The following ZNF761 variants were observed in gnomAD, a reference collection of about 807,000 sequenced individuals.
ZNF761 encodes the protein zinc finger protein 761.
In ZNF761, 43 loss-of-function variants were observed where a neutral mutation model predicts 59.9. The observed-to-expected ratio is 0.72, with a 90% CI of 0.56 to 0.92. ZNF761 has a LOEUF of 0.92. Ranked by LOEUF, ZNF761 falls within the 40% of genes least tolerant of loss-of-function variation. ZNF761 has a pLI of 0.00. For synonymous variants in ZNF761, 294 were observed against 304.8 expected, an observed-to-expected ratio of 0.96 and a Z score of 0.37; for missense variants, 850 against 906.1, an observed-to-expected ratio of 0.94 and a Z score of 0.79.
chr19:53,433,375 C>G (rs2085997844), intron 1 of ZNF761, among the ~76,000 whole-genome samples: 1 of 151,296 alleles, frequency 6.6e-6, no homozygotes, highest in African/African-American at 2.4e-5. Flanking sequence ...TAAATACACA[C>G]ATTTGTCCTT....
Position 53,453,848 on chromosome 19 carries a change from C to T in ZNF761, c.143-802C>T, listed in dbSNP as rs1486379002. Among the ~76,000 whole-genome samples the T allele has an allele frequency of 1.3e-5, 2 of 152,020 alleles. 1 individual carries two copies. The highest frequency in any genetic ancestry group is 6.8e-3 in the Middle Eastern group (2 of 292). The stretch of plus-strand genomic sequence containing the variant: ...CCGAGATCAGGCCATTGAACTCCAG[C>T]CAGTTGCAACAGAGTGAAACTTCAT... On this transcript the variant is annotated intron_variant, in intron 4 of 4. Coordinates refer to ENST00000684525, the MANE Select transcript of ZNF761 (RefSeq NM_001289951.2).
intron 1 of ZNF761, among the ~76,000 whole-genome samples, chr19:53,435,578 C>T (rs180936908): frequency 6.6e-6 from 1 of 152,196 alleles, no homozygotes; most frequent in East Asian, 1.9e-4. Context: ...GCTGGAATTA[C>T]AGGCATGAGC....
intron 1 of ZNF761, chr19:53,443,663 TTA>T (rs1216154615): frequency 2.0e-5 from 3 of 152,146 alleles, no homozygotes; most frequent in Non-Finnish European, 4.4e-5. Context: ...TACAATCATT[TTA>T]TGAGTCTGGG....
Position 53,456,225 on chromosome 19 carries a change from G to A in ZNF761, c.1718G>A (p.Ser573Asn), listed in dbSNP as rs183574708. The A allele has an allele frequency of 7.4e-6, 12 of 1,612,198 alleles. No individual in the cohort carries two copies. Among genetic ancestry groups the A allele is most frequent in the Non-Finnish European group, 8.5e-7 (1 of 1,179,500 alleles). ...LTLKRHRRLH[S>N]GENPYKCEDS... is the part of the protein sequence containing the mutation. ...CTTAAACGCCATCGTAGACTTCATA[G>A]TGGAGAGAACCCTTACAAATGTGAA... Residue 573 changes from serine (S) to asparagine (N), a missense_variant, in exon 5 of 5, where the codon AGT becomes AAT. Physicochemically the swap from Ser to Asn is conservative, Grantham distance 46. Coordinates refer to ENST00000684525, the MANE Select transcript of ZNF761 (RefSeq NM_001289951.2).
chr19:53,453,398 G>T (rs762053723), intron 4 of ZNF761, among the ~76,000 whole-genome samples: 4 of 152,172 alleles, frequency 2.6e-5, no homozygotes, highest in Non-Finnish European at 4.4e-5. Flanking sequence ...TGTGCTGGTT[G>T]TAAGTAGAAG....
At chr19:53,444,371 G>T (rs1251318981) in intron 1 of ZNF761, 1 of 152,232 alleles carries the variant, frequency 6.6e-6, no homozygotes, top group Non-Finnish European at 1.5e-5. Flanking sequence ...GGTGAGACAT[G>T]CTGGCGGCAA....
chr19:53,453,466 A>T (rs2086238235), intron 4 of ZNF761, among the ~76,000 whole-genome samples: 1 of 152,126 alleles, frequency 6.6e-6, no homozygotes, highest in Admixed American at 6.6e-5. Flanking sequence ...AAATGTACTT[A>T]TTCTTTGCTT....
chr19:53,445,903 C>T (rs2086153935), intron 1 of ZNF761, among the ~76,000 whole-genome samples: 1 of 152,140 alleles, frequency 6.6e-6, no homozygotes, highest in Admixed American at 6.5e-5. Context: ...GCCCTGTGAC[C>T]AGGGCCCCTG....
At chr19:53,447,341 T>C (rs919420630) in intron 3 of ZNF761, 58 bp downstream of exon 3, 1 of 1,602,128 alleles carries the variant, frequency 6.2e-7, no homozygotes, top group African/African-American at 1.3e-5. Context: ...ATGCTGGGCC[T>C]TGGAGTTGGG....
chr19:53,437,338 T>C (rs116023924), intron 1 of ZNF761, among the ~76,000 whole-genome samples: 21 of 148,558 alleles, frequency 1.4e-4, no homozygotes, highest in Non-Finnish European at 8.9e-5. Flanking sequence ...AAAGAAAAAA[T>C]GGCACTACAT....
At position 53,456,853 on chromosome 19, in the gene ZNF761, G is replaced by A. The variant is rs1365627863; in HGVS notation, c.*105G>A. The A allele has an allele frequency of 3.0e-6, 4 of 1,313,954 alleles. No homozygotes were observed. Among genetic ancestry groups the A allele is most frequent in the African/African-American group, 1.5e-5 (1 of 68,064 alleles). The allele number at this position is 1,313,954 out of a possible 1,614,324, so 81.4% of individuals were successfully genotyped here. A position where few individuals can be genotyped will look rare whatever the true frequency, so the allele number is the denominator to read the frequency against. ...TGTGAAGCATGTGATAAAGTTTACA[G>A]TGGCAAATCAAGCCTCAGAAGACAG... On this transcript the variant is annotated 3_prime_UTR_variant, in exon 5 of 5. Transcript: ENST00000684525.
chr19:53,454,693 G>T lies in ZNF761; in HGVS notation c.186G>T (p.Ala62=). The change falls in exon 5 of 5, where the codon GCG becomes GCT. Residue 62 remains alanine (A), a synonymous_variant. Coordinates refer to ENST00000684525, the MANE Select transcript of ZNF761 (RefSeq NM_001289951.2). ...CGATGAAGGAGTTCTTGTCAACAGC[G>T]CAAGGCAACAGAGAAGTGTTCCATG... ...KCTMKEFLST[A]QGNREVFHAG... is the part of the protein sequence containing the mutation. The T allele has an allele frequency of 2.5e-6, 4 of 1,611,384 alleles. No individual in the cohort carries two copies. The highest frequency in any genetic ancestry group is 1.7e-4 in the Middle Eastern group (1 of 6,052).
Position 53,448,222 on chromosome 19 carries a change from C to T in ZNF761, c.15+939C>T, listed in dbSNP as rs535562646. ...ATCACCATGTTGGCCAGGCTGGTCT[C>T]GAACTGCTGATCTCAGGTGATCTGC... On this transcript the variant is annotated intron_variant, in intron 3 of 4. Coordinates refer to ENST00000684525, the MANE Select transcript of ZNF761 (RefSeq NM_001289951.2). Among the ~76,000 whole-genome samples the T allele has an allele frequency of 5.3e-4, 80 of 152,282 alleles. 1 individual carries two copies. In the South Asian group the frequency reaches 8.3e-3, roughly 16 times the overall value.
intron 1 of ZNF761, among the ~76,000 whole-genome samples, chr19:53,434,246 A>C (rs1479285680): frequency 6.6e-6 from 1 of 152,140 alleles, no homozygotes; most frequent in Non-Finnish European, 1.5e-5. Flanking sequence ...GTGTCTTTCT[A>C]ATCTTCTATT....
At chr19:53,446,124 C>A in intron 1 of ZNF761, 103 bp from the exon 2 acceptor site, 1 of 158,576 alleles carries the variant, frequency 6.3e-6, no homozygotes. Context: ...CTCCCAACCC[C>A]ATCTGAAGTT....
Position 53,455,901 on chromosome 19 carries a change from C to A in ZNF761, c.1394C>A (p.Pro465His). 6.2e-7 allele frequency: 1 copy of A among 1,613,954 alleles called. No homozygotes were observed. The highest frequency in any genetic ancestry group is 8.5e-7 in the Non-Finnish European group (1 of 1,179,914). ...CHRRRHTGEQ[P>H]YKCEECDKAF... ...CGTAGACGTCATACTGGAGAGCAACCTTACAAATGTGAAGAATGTGACAAA... is the reference window on the plus strand; with the variant it reads ...CGTAGACGTCATACTGGAGAGCAACATTACAAATGTGAAGAATGTGACAAA... Residue 465 changes from proline to histidine, a missense_variant, in exon 5 of 5, where the codon CCT becomes CAT. Pro to His is a moderately conservative substitution (Grantham distance 77). Coordinates refer to ENST00000684525, the MANE Select transcript of ZNF761 (RefSeq NM_001289951.2).
chr19:53,442,296 C>T (rs375199599), intron 1 of ZNF761: 117 of 1,311,162 alleles, frequency 8.9e-5, no homozygotes, highest in East Asian at 1.6e-4. Context: ...CACAGAGGAA[C>T]GAGCTGAGCT....
intron 4 of ZNF761, among the ~76,000 whole-genome samples, chr19:53,451,749 A>ATT (rs747022735): frequency 5.4e-5 from 7 of 128,448 alleles, no homozygotes; most frequent in Admixed American, 7.9e-5. Flanking sequence ...CACCCGGCTA[A>ATT]TTTTTTTTTT....
chr19:53,440,157 CAAAA>C (rs1317026569), intron 1 of ZNF761, among the ~76,000 whole-genome samples: 1 of 67,416 alleles, frequency 1.5e-5, no homozygotes, highest in Non-Finnish European at 3.6e-5. Flanking sequence ...CCGTCTTGGC[CAAAA>C]ATAAATAAAT....
Sources: allele counts gnomAD v4.1 joint callset (sites outside exome capture counted in the v4.1 genomes callset), GRCh38; gene constraint gnomAD v4.1.1; transcripts MANE v1.5; gene names NCBI Gene and HGNC (gene_info 2026-07-23, HGNC 2026-07-21).